The following CSNK2A2IP variants were observed in gnomAD, a reference collection of about 807,000 sequenced individuals.
The protein encoded by CSNK2A2IP is casein kinase II subunit alpha'-interacting protein.
chr3:88,446,666 C>T, the CSNK2A2IP span, among the ~76,000 whole-genome samples: 1 of 152,132 alleles, frequency 6.6e-6, no homozygotes, highest in Non-Finnish European at 1.5e-5. Flanking sequence ...CTCTTTGAAG[C>T]ATTTCTGGAC....
At chr3:88,426,830 G>A in the CSNK2A2IP span, among the ~76,000 whole-genome samples, 2 of 138,046 alleles carry the variant, frequency 1.4e-5, no homozygotes, top group South Asian at 2.4e-4. Flanking sequence ...CCAATCTCAG[G>A]TATTGCTTTA....
chr3:88,430,177 G>A, the CSNK2A2IP span, among the ~76,000 whole-genome samples: 123,389 of 152,014 alleles, frequency 0.81, 50,743 homozygotes, highest in Non-Finnish European at 0.88. Flanking sequence ...AACCAAGGAT[G>A]GAGGGACTCC....
At chr3:88,348,671 G>C in the CSNK2A2IP span, among the ~76,000 whole-genome samples, 1 of 151,902 alleles carries the variant, frequency 6.6e-6, no homozygotes, top group Admixed American at 6.6e-5. Flanking sequence ...GTATTCTTTT[G>C]TGTAAACACT....
At chr3:88,401,561 C>T in the CSNK2A2IP span, among the ~76,000 whole-genome samples, 6 of 152,006 alleles carry the variant, frequency 3.9e-5, no homozygotes, top group African/African-American at 1.4e-4. Context: ...CTGCTACTAC[C>T]ATGGAAATAT....
the CSNK2A2IP span, among the ~76,000 whole-genome samples, chr3:88,356,816 A>C: frequency 2.0e-5 from 3 of 151,972 alleles, no homozygotes; most frequent in Non-Finnish European, 4.4e-5. Flanking sequence ...ATAATATTTC[A>C]TTGTGTTTTG....
At chr3:88,455,801 T>C in the CSNK2A2IP span, among the ~76,000 whole-genome samples, 1 of 152,024 alleles carries the variant, frequency 6.6e-6, no homozygotes, top group East Asian at 1.9e-4. Context: ...AGATTTTTTC[T>C]ATGTATTTTT....
the CSNK2A2IP span, among the ~76,000 whole-genome samples, chr3:88,416,460 G>A: frequency 1.3e-5 from 2 of 152,040 alleles, no homozygotes; most frequent in Non-Finnish European, 2.9e-5. Context: ...GCTGAGATAA[G>A]GAGACCCAAC....
chr3:88,456,105 A>C, the CSNK2A2IP span, among the ~76,000 whole-genome samples: 4 of 151,966 alleles, frequency 2.6e-5, no homozygotes, highest in African/African-American at 9.7e-5. Flanking sequence ...ATTACTGTAG[A>C]TTTGTAATAT....
chr3:88,403,757 G>T, the CSNK2A2IP span, among the ~76,000 whole-genome samples: 1 of 152,068 alleles, frequency 6.6e-6, no homozygotes, highest in Non-Finnish European at 1.5e-5. Context: ...AAATTTCAAA[G>T]AATATAAGAA....
chr3:88,341,964 G>A, the CSNK2A2IP span, among the ~76,000 whole-genome samples: 3 of 151,822 alleles, frequency 2.0e-5, no homozygotes, highest in African/African-American at 7.3e-5. Flanking sequence ...ATGTCAATAG[G>A]TATTATTAAA....
At chr3:88,462,608 G>A in the CSNK2A2IP span, among the ~76,000 whole-genome samples, 36 of 152,144 alleles carry the variant, frequency 2.4e-4, no homozygotes, top group Non-Finnish European at 4.6e-4. Context: ...ACAGAAAACA[G>A]TGAATTAAGA....
chr3:88,440,224 C>T, the CSNK2A2IP span, among the ~76,000 whole-genome samples: 20 of 151,926 alleles, frequency 1.3e-4, no homozygotes, highest in East Asian at 1.9e-4. Context: ...TTTAGGGATA[C>T]GAATGCAGAG....
At chr3:88,347,460 T>C in the CSNK2A2IP span, among the ~76,000 whole-genome samples, 2 of 152,056 alleles carry the variant, frequency 1.3e-5, no homozygotes, top group Non-Finnish European at 2.9e-5. Context: ...AACATTACCC[T>C]GATCAGTCAG....
the CSNK2A2IP span, among the ~76,000 whole-genome samples, chr3:88,421,173 C>T: frequency 2.6e-5 from 4 of 152,102 alleles, no homozygotes; most frequent in African/African-American, 9.7e-5. Flanking sequence ...AACTTTATTT[C>T]TCTATAACTT....
At chr3:88,442,482 C>T in the CSNK2A2IP span, among the ~76,000 whole-genome samples, 1 of 151,962 alleles carries the variant, frequency 6.6e-6, no homozygotes, top group Non-Finnish European at 1.5e-5. Flanking sequence ...GAGAGGAATC[C>T]ACATAACTAG....
the CSNK2A2IP span, among the ~76,000 whole-genome samples, chr3:88,360,571 G>A: frequency 2.0e-5 from 3 of 152,100 alleles, no homozygotes; most frequent in East Asian, 5.8e-4. Flanking sequence ...GGTCAAGTGA[G>A]TTACTTGTAG....
chr3:88,395,806 A>T, the CSNK2A2IP span, among the ~76,000 whole-genome samples: 1 of 152,160 alleles, frequency 6.6e-6, no homozygotes, highest in Non-Finnish European at 1.5e-5. Context: ...TTCAATGTAC[A>T]TGTCTTTCAT....
the CSNK2A2IP span, among the ~76,000 whole-genome samples, chr3:88,352,724 T>C: frequency 9.9e-5 from 15 of 152,002 alleles, no homozygotes; most frequent in Non-Finnish European, 2.9e-5. Context: ...GACCACAGGC[T>C]TGTGATATCA....
At chr3:88,464,898 A>G in the CSNK2A2IP span, among the ~76,000 whole-genome samples, 4 of 152,188 alleles carry the variant, frequency 2.6e-5, no homozygotes, top group Admixed American at 2.6e-4. Context: ...TCTATTTTAC[A>G]GATGATGAAT....
Sources: gnomAD v4.1 joint callset for allele counts (sites outside exome capture counted in the v4.1 genomes callset) on GRCh38, gnomAD v4.1.1 for gene constraint, MANE v1.5 for transcripts, NCBI Gene and HGNC (gene_info 2026-07-23, HGNC 2026-07-21) for gene names.